CALN1: variants seen among roughly 807,000 people sequenced by gnomAD.
The protein encoded by CALN1 is calneuron 1, also known as calcium-binding protein 8.
A neutral mutation model predicts 30.6 loss-of-function variants in CALN1; 17 were observed. The ratio of observed to expected loss-of-function variants is 0.56; its 90% confidence interval spans 0.38 to 0.83. The LOEUF (loss-of-function observed/expected upper bound fraction) is 0.83, where lower values mean the gene tolerates loss of function less well. Among genes scored for constraint, CALN1 ranks in the 40% least tolerant of loss-of-function variants. The probability of loss-of-function intolerance (pLI) is 0.00; values close to 1 mark genes in which losing one functional copy is unlikely to be tolerated. For missense variants in CALN1, 291 were observed against 354.9 expected, an observed-to-expected ratio of 0.82 and a Z score of 1.45; for synonymous variants, 156 against 131.4, an observed-to-expected ratio of 1.19 and a Z score of -1.28.
At chr7:72,143,571 A>G (rs1488720854) in intron 3 of CALN1, among the ~76,000 whole-genome samples, 3 of 152,314 alleles carry the variant, frequency 2.0e-5, no homozygotes, top group African/African-American at 7.2e-5. Context: ...ATCCAGGAGA[A>G]CTTCCCCAAT....
At chr7:72,030,459 T>C (rs1302842941) in intron 4 of CALN1, among the ~76,000 whole-genome samples, 1 of 152,184 alleles carries the variant, frequency 6.6e-6, no homozygotes, top group African/African-American at 2.4e-5. Flanking sequence ...ACTACAGAAA[T>C]GACCTCTTTA....
intron 4 of CALN1, among the ~76,000 whole-genome samples, chr7:72,035,774 A>G (rs1801756109): frequency 6.6e-6 from 1 of 152,220 alleles, no homozygotes; most frequent in African/African-American, 2.4e-5. Context: ...TGATGTCACA[A>G]AATTACCTCT....
intron 5 of CALN1, among the ~76,000 whole-genome samples, chr7:71,967,064 T>G (rs1797563952): frequency 6.6e-6 from 1 of 152,314 alleles, no homozygotes; most frequent in East Asian, 1.9e-4. Flanking sequence ...ACCCATTCAC[T>G]TGTTTATTCC....
intron 5 of CALN1, among the ~76,000 whole-genome samples, chr7:71,991,048 A>AGGG: frequency 6.8e-6 from 1 of 146,562 alleles, no homozygotes; most frequent in East Asian, 2.2e-4. Flanking sequence ...TGAAACAGTG[A>AGGG]GGGGGGGGGT....
At chr7:72,285,158 CT>C (rs1797999718) in intron 2 of CALN1, among the ~76,000 whole-genome samples, 1 of 152,182 alleles carries the variant, frequency 6.6e-6, no homozygotes, top group African/African-American at 2.4e-5. Flanking sequence ...ATTGCCCCAA[CT>C]TCTAAGCACT....
chr7:72,268,621 C>A (rs1384817982), intron 3 of CALN1, among the ~76,000 whole-genome samples: 4 of 152,076 alleles, frequency 2.6e-5, no homozygotes, highest in Non-Finnish European at 5.9e-5. Flanking sequence ...GCATGGGCAA[C>A]ATGGCAAACC....
At chr7:72,457,683 C>T in the CALN1 span, among the ~76,000 whole-genome samples, 1,417 of 152,236 alleles carry the variant, frequency 9.3e-3, 29 homozygotes, top group African/African-American at 0.033. Flanking sequence ...CTATTCATCC[C>T]TCCACAGGAC....
chr7:72,407,332 C>T (rs1393014022), intron 1 of CALN1, among the ~76,000 whole-genome samples: 1 of 152,154 alleles, frequency 6.6e-6, no homozygotes, highest in Non-Finnish European at 1.5e-5. Context: ...CATATGCTAG[C>T]CACCTGATAC....
Position 72,338,525 on chromosome 7 carries a change from G to GTGTGTGTGTGTGTCTGTCTGTCTGTC in CALN1, c.120-59716_120-59715insGACAGACAGACAGACACACACACACA. Among the ~76,000 whole-genome samples, 12 of 122,374 alleles carry GTGTGTGTGTGTGTCTGTCTGTCTGTC rather than the reference G, an allele frequency of 9.8e-5. 1 individual carries two copies. Among genetic ancestry groups the GTGTGTGTGTGTGTCTGTCTGTCTGTC allele is most frequent in the African/African-American group, 3.4e-4 (11 of 32,090 alleles). The allele number at this position is 122,374 out of a possible 152,430, so 80.3% of individuals were successfully genotyped here. A position where few individuals can be genotyped will look rare whatever the true frequency, so the allele number is the denominator to read the frequency against. ...TGTGTGTGTGTGTGTGTGTGTGTGT[G>GTGTGTGTGTGTGTCTGTCTGTCTGTC]TGTCTCACCTGGGTGTGGTTTCAGA... is the stretch of plus-strand genomic sequence containing the variant. On this transcript the variant is annotated intron_variant, in intron 2 of 6. Coordinates refer to ENST00000395275, the MANE Select transcript of CALN1 (RefSeq NM_031468.4).
intron 2 of CALN1, among the ~76,000 whole-genome samples, chr7:72,330,321 AGCTGGGT>A (rs1017789145): frequency 3.3e-5 from 5 of 151,902 alleles, no homozygotes; most frequent in African/African-American, 1.2e-4. Context: ...CACAAAAATT[AGCTGGGT>A]GTGGTGGTGT....
At chr7:72,029,008 TAGAC>T (rs1028243402) in intron 4 of CALN1, among the ~76,000 whole-genome samples, 9 of 152,140 alleles carry the variant, frequency 5.9e-5, no homozygotes, top group African/African-American at 1.7e-4. Context: ...TACATACAGA[TAGAC>T]AGACAGATAT....
At chr7:72,121,332 T>A (rs1330054018) in intron 3 of CALN1, among the ~76,000 whole-genome samples, 2 of 144,006 alleles carry the variant, frequency 1.4e-5, no homozygotes, top group African/African-American at 5.1e-5. Context: ...AATTAAATAA[T>A]ATATAAATTA....
rs898704972 is a variant in CALN1, at chr7:72,033,737, G to A, written c.389-9968C>T. 2.6e-5 allele frequency among the ~76,000 whole-genome samples: 4 copies of A among 152,180 alleles called. No individual in the cohort carries two copies. In the East Asian group the frequency reaches 7.7e-4, roughly 29 times the overall value. On this transcript the variant is annotated intron_variant, in intron 4 of 6. Transcript: ENST00000395275. ...AAGCTGGGCCCAGAAGGTCAAGGCA[G>A]GCTGAGGGGCTCATCTTCGATGCAG...
chr7:72,388,172 C>A (rs1032339268), intron 2 of CALN1, among the ~76,000 whole-genome samples: 3 of 152,130 alleles, frequency 2.0e-5, no homozygotes, highest in Non-Finnish European at 4.4e-5. Flanking sequence ...ATGCTAATTA[C>A]CCTGATTTGA....
At chr7:71,791,821 A>G (rs1010749366) in intron 6 of CALN1, among the ~76,000 whole-genome samples, 1 of 152,198 alleles carries the variant, frequency 6.6e-6, no homozygotes, top group African/African-American at 2.4e-5. Context: ...CATCCTGGCT[A>G]ACACGGTGAA....
chr7:72,305,991 A>G (rs1799623905), intron 2 of CALN1, among the ~76,000 whole-genome samples: 1 of 152,110 alleles, frequency 6.6e-6, no homozygotes, highest in Admixed American at 6.5e-5. Context: ...ATCTAAACTT[A>G]ATTACCTCCT....
At position 72,023,763 on chromosome 7, in the gene CALN1, C is replaced by T; in HGVS notation, c.395G>A (p.Gly132Asp). The change falls in exon 5 of 7, where the codon GGC becomes GAC. Residue 132 changes from glycine to aspartate, a missense_variant. Physicochemically the swap from Gly to Asp is moderately conservative, Grantham distance 94. Around this residue, in one of 2 missense-constraint regions of CALN1, gnomAD observed 169 missense variants for 251.7 expected, o/e 0.67. Transcript: ENST00000395275. Reference sequence around the variant, plus strand: ...CATGAATTCATCAAAATCCACCTGGCCATCCCCTGCAAGGAGAAGATGTAA... The same window carrying T: ...CATGAATTCATCAAAATCCACCTGGTCATCCCCTGCAAGGAGAAGATGTAA... Reference protein sequence around the residue: ...IMQRLDMDGDGQVDFDEFMTI... With the variant: ...IMQRLDMDGDDQVDFDEFMTI... 9 of 1,613,290 alleles carry T rather than the reference C, an allele frequency of 5.6e-6. No homozygotes were observed. The highest frequency in any genetic ancestry group is 2.2e-5 in the East Asian group (1 of 44,866).
intron 5 of CALN1, among the ~76,000 whole-genome samples, chr7:71,936,054 G>A (rs753924395): frequency 3.9e-5 from 6 of 152,114 alleles, no homozygotes; most frequent in African/African-American, 1.4e-4. Flanking sequence ...TACCCTGGAA[G>A]TTCTTCTCTG....
intron 3 of CALN1, among the ~76,000 whole-genome samples, chr7:72,262,316 G>A (rs950577665): frequency 6.6e-6 from 1 of 152,204 alleles, no homozygotes; most frequent in Non-Finnish European, 1.5e-5. Flanking sequence ...TTCCCACATC[G>A]AAACCCAGGT....
Sources: gnomAD v4.1 joint callset for allele counts (sites outside exome capture counted in the v4.1 genomes callset) on GRCh38, gnomAD v4.1.1 for gene constraint, gnomAD v4.1.1 regional missense constraint, MANE v1.5 for transcripts, NCBI Gene and HGNC (gene_info 2026-07-23, HGNC 2026-07-21) for gene names.